Variants in CNBD1 observed in about 807,000 individuals in gnomAD.
CNBD1 encodes cyclic nucleotide-binding domain-containing protein 1.
In CNBD1, 71 loss-of-function variants were observed where a neutral mutation model predicts 54.4. The ratio of observed to expected loss-of-function variants is 1.30; its 90% CI spans 1.08 to 1.59. The LOEUF (loss-of-function observed/expected upper bound fraction) is 1.59, where lower values mean the gene tolerates loss of function less well. Ranked by LOEUF, CNBD1 falls within the 40% of genes most tolerant of loss-of-function variation. CNBD1 has a pLI of 0.00. For synonymous variants in CNBD1, 182 were observed against 170.7 expected, an observed-to-expected ratio of 1.07 and a Z score of -0.51; for missense variants, 659 against 518.0, an observed-to-expected ratio of 1.27 and a Z score of -2.64.
chr8:87,237,730 T>C lies in CNBD1; in HGVS notation c.771+618T>C, dbSNP rs547476355. ...TTCTCAATTTAGGGTGATCAAGATG[T>C]TCAGAGTAGAAAAGAGTCAAAGAAC... On this transcript the variant is annotated intron_variant, in intron 6 of 10. Transcript: ENST00000518476. 4.6e-5 allele frequency among the ~76,000 whole-genome samples: 7 copies of C among 152,242 alleles called. No homozygotes were observed. In the South Asian group the frequency reaches 1.0e-3, roughly 23 times the overall value.
At chr8:87,250,631 T>C (rs746335964) in intron 6 of CNBD1, among the ~76,000 whole-genome samples, 2 of 152,192 alleles carry the variant, frequency 1.3e-5, no homozygotes, top group African/African-American at 2.4e-5. Context: ...TAATGGGATA[T>C]TATTTAGCCA....
At chr8:87,210,379 G>T (rs1232795841) in intron 5 of CNBD1, among the ~76,000 whole-genome samples, 1 of 152,188 alleles carries the variant, frequency 6.6e-6, no homozygotes, top group Admixed American at 6.5e-5. Context: ...CCACTTGTTA[G>T]AAATATTTGT....
chr8:87,411,427 T>TATATATATATATA (rs71277943), intron 2 of CNBD1, among the ~76,000 whole-genome samples: 3 of 140,876 alleles, frequency 2.1e-5, no homozygotes, highest in Non-Finnish European at 3.1e-5. Context: ...TATATATATA[T>TATATATATATATA]TTCATTCACA....
Position 87,199,263 on chromosome 8 carries a change from CAG to C in CNBD1, c.432-6726_432-6725del, listed in dbSNP as rs565725167. Among the ~76,000 whole-genome samples the C allele has an allele frequency of 3.0e-3, 453 of 152,274 alleles. 1 individual carries two copies. Among genetic ancestry groups the C allele is most frequent in the Non-Finnish European group, 5.2e-3 (357 of 68,018 alleles). Reference sequence around the variant, plus strand: ...TGCCACAAAATTAAAAAGCGACAAACAGAGATTCTGGAATTGAAAAGTAAGTA... The same window carrying C: ...TGCCACAAAATTAAAAAGCGACAAACAGATTCTGGAATTGAAAAGTAAGTA... On this transcript the variant is annotated intron_variant, in intron 4 of 10. Coordinates refer to ENST00000518476, the MANE Select transcript of CNBD1 (RefSeq NM_173538.3).
intron 4 of CNBD1, among the ~76,000 whole-genome samples, chr8:87,031,325 C>T (rs1040547578): frequency 1.3e-5 from 2 of 151,916 alleles, no homozygotes; most frequent in African/African-American, 2.4e-5. Context: ...GCACATAACT[C>T]GTGTGTGCAA....
chr8:86,999,399 A>G (rs1386787853), intron 4 of CNBD1, among the ~76,000 whole-genome samples: 1 of 152,160 alleles, frequency 6.6e-6, no homozygotes. Flanking sequence ...CACAGTTACA[A>G]TAATGTGAGC....
At chr8:87,416,983 G>T (rs1275603830) in intron 2 of CNBD1, among the ~76,000 whole-genome samples, 3 of 151,970 alleles carry the variant, frequency 2.0e-5, no homozygotes, top group African/African-American at 7.2e-5. Context: ...ATCCATGAAT[G>T]TAATATCAAG....
At chr8:87,266,279 C>T (rs1401386494) in intron 6 of CNBD1, among the ~76,000 whole-genome samples, 4 of 150,848 alleles carry the variant, frequency 2.7e-5, no homozygotes, top group African/African-American at 7.3e-5. Flanking sequence ...ACTAGATATC[C>T]CTAAAGAAGA....
At chr8:87,384,884 G>A (rs973698443), downstream of CNBD1, among the ~76,000 whole-genome samples, 2 of 152,250 alleles carry the variant, frequency 1.3e-5, no homozygotes, top group South Asian at 2.1e-4. Flanking sequence ...AAATGAATGA[G>A]TGAAAGGGGA....
At chr8:87,321,124 G>C (rs79824551) in intron 8 of CNBD1, among the ~76,000 whole-genome samples, 1 of 143,068 alleles carries the variant, frequency 7.0e-6, no homozygotes, top group African/African-American at 2.6e-5. Context: ...CCTGGCCATT[G>C]TGAATAATGC....
At chr8:87,120,074 G>C (rs1811860140) in intron 4 of CNBD1, among the ~76,000 whole-genome samples, 1 of 151,998 alleles carries the variant, frequency 6.6e-6, no homozygotes, top group South Asian at 2.1e-4. Flanking sequence ...TTTGGTATCA[G>C]GATAATGCTG....
At chr8:87,236,180 G>C (rs920527751) in intron 5 of CNBD1, among the ~76,000 whole-genome samples, 8 of 152,138 alleles carry the variant, frequency 5.3e-5, no homozygotes, top group Non-Finnish European at 1.2e-4. Flanking sequence ...ATCTTATGAA[G>C]TAATGTAAAT....
At chr8:87,127,071 G>A (rs970841795) in intron 4 of CNBD1, among the ~76,000 whole-genome samples, 5 of 151,626 alleles carry the variant, frequency 3.3e-5, no homozygotes, top group Non-Finnish European at 5.9e-5. Flanking sequence ...GCTTACCATA[G>A]CTTTATAATA....
chr8:87,106,195 T>C (rs1019634499), intron 4 of CNBD1, among the ~76,000 whole-genome samples: 1 of 152,088 alleles, frequency 6.6e-6, no homozygotes, highest in Non-Finnish European at 1.5e-5. Flanking sequence ...CCTTTCCTTT[T>C]CTTTTTCTTT....
At chr8:87,154,838 C>A (rs138093582) in intron 4 of CNBD1, among the ~76,000 whole-genome samples, 328 of 152,196 alleles carry the variant, frequency 2.2e-3, no homozygotes, top group African/African-American at 7.4e-3. Flanking sequence ...TAGTGTAGAA[C>A]GCACCCATTT....
chr8:87,421,051 A>C (rs1479078920), intron 2 of CNBD1, among the ~76,000 whole-genome samples: 3 of 151,974 alleles, frequency 2.0e-5, no homozygotes, highest in African/African-American at 7.2e-5. Flanking sequence ...AGCAACTGAA[A>C]ATGCTTCATA....
intron 4 of CNBD1, among the ~76,000 whole-genome samples, chr8:87,044,289 T>C (rs146298690): frequency 0.013 from 1,935 of 152,200 alleles, 54 homozygotes; most frequent in African/African-American, 0.039. Flanking sequence ...TATATAAGTG[T>C]CAGATTCCAC....
intron 10 of CNBD1, among the ~76,000 whole-genome samples, chr8:87,366,022 A>G (rs1810634478): frequency 6.6e-6 from 1 of 152,106 alleles, no homozygotes; most frequent in South Asian, 2.1e-4. Context: ...TGGGATAATA[A>G]TAAATCTAGC....
chr8:87,107,218 G>A (rs528909521), intron 4 of CNBD1, among the ~76,000 whole-genome samples: 2 of 152,256 alleles, frequency 1.3e-5, no homozygotes, highest in South Asian at 4.1e-4. Flanking sequence ...AATCTAGATT[G>A]TGCTTGTGCT....
Sources: allele counts gnomAD v4.1 joint callset (sites outside exome capture counted in the v4.1 genomes callset), GRCh38; gene constraint gnomAD v4.1.1; transcripts MANE v1.5; gene names NCBI Gene and HGNC (gene_info 2026-07-23, HGNC 2026-07-21).